The following NEGR1 variants were observed in gnomAD, a reference collection of about 807,000 sequenced individuals.
NEGR1 encodes the protein neuronal growth regulator 1.
In NEGR1, 10 loss-of-function variants were observed where a neutral mutation model predicts 40.9. The observed-to-expected ratio is 0.24, with a 90% CI of 0.15 to 0.42. The LOEUF is 0.42. NEGR1 is among the 10% of genes least tolerant of loss of function. The pLI is 1.00. For missense variants in NEGR1, 352 were observed against 438.9 expected (o/e 0.80, Z 1.77); for synonymous variants, 185 against 166.8 (o/e 1.11, Z -0.84).
rs1438885541 is a variant in NEGR1 at position 71,401,864 on chromosome 1, C to T, written c.*5582G>A. 6.6e-6 allele frequency: 1 copy of T among 152,060 alleles called. No homozygotes were observed. The highest frequency in any genetic ancestry group is 1.5e-5 in the Non-Finnish European group (1 of 68,018). The allele number at this position is 152,060 out of a possible 1,614,324, so 9.4% of individuals were successfully genotyped here. On this transcript the variant is annotated 3_prime_UTR_variant, in exon 7 of 7. Coordinates refer to ENST00000357731, the MANE Select transcript of NEGR1 (RefSeq NM_173808.3). Reference sequence around the variant, plus strand: ...CTCATACAACCCAAGGCTGTGTGTCCAAAGGCAACTGTACTGTGAGTTTCA... The same window carrying T: ...CTCATACAACCCAAGGCTGTGTGTCTAAAGGCAACTGTACTGTGAGTTTCA...
chr1:71,744,606 T>C (rs1442230539), intron 3 of NEGR1, among the ~76,000 whole-genome samples: 2 of 152,052 alleles, frequency 1.3e-5, no homozygotes, highest in Admixed American at 6.6e-5. Context: ...CATTTTCTGA[T>C]AGGCCCAGTA....
chr1:72,048,018 C>T (rs1049761057), intron 1 of NEGR1, among the ~76,000 whole-genome samples: 1 of 151,550 alleles, frequency 6.6e-6, no homozygotes, highest in African/African-American at 2.4e-5. Context: ...CCAAAATGGA[C>T]CAACTACTCT....
At chr1:72,113,540 G>A (rs1649465824) in intron 1 of NEGR1, among the ~76,000 whole-genome samples, 1 of 151,748 alleles carries the variant, frequency 6.6e-6, no homozygotes, top group Non-Finnish European at 1.5e-5. Flanking sequence ...ATGTGTGTGT[G>A]TGTGTTTAGA....
At chr1:71,654,429 A>G (rs1217052632) in intron 4 of NEGR1, among the ~76,000 whole-genome samples, 1 of 152,170 alleles carries the variant, frequency 6.6e-6, no homozygotes, top group Non-Finnish European at 1.5e-5. Flanking sequence ...TAGGGGTTGG[A>G]AGTAGAGGGA....
intron 6 of NEGR1, among the ~76,000 whole-genome samples, chr1:71,501,852 G>A (rs1220173926): frequency 6.6e-6 from 1 of 152,094 alleles, no homozygotes; most frequent in East Asian, 1.9e-4. Context: ...AAAATTATTT[G>A]TTGAAATAAA....
chr1:72,136,051 G>A (rs1241512047), intron 1 of NEGR1, among the ~76,000 whole-genome samples: 1 of 151,988 alleles, frequency 6.6e-6, no homozygotes, highest in Admixed American at 6.6e-5. Context: ...GCACAAAAAT[G>A]TTATAGGATT....
chr1:71,883,779 A>G (rs1218825978), intron 2 of NEGR1, among the ~76,000 whole-genome samples: 3 of 134,886 alleles, frequency 2.2e-5, no homozygotes, highest in African/African-American at 8.5e-5. Context: ...CCTGTATCCA[A>G]GTGTTCTCAT....
chr1:71,784,428 A>T (rs1389527946), intron 2 of NEGR1, among the ~76,000 whole-genome samples: 1 of 152,096 alleles, frequency 6.6e-6, no homozygotes. Context: ...ACAAGAAATG[A>T]TGACTTATTA....
chr1:71,941,920 G>A (rs774312605), intron 1 of NEGR1, among the ~76,000 whole-genome samples: 12 of 151,860 alleles, frequency 7.9e-5, no homozygotes, highest in Admixed American at 3.9e-4. Context: ...ACTAACAGAT[G>A]ACTTGCTTAT....
At chr1:71,724,845 C>G (rs982192792) in intron 3 of NEGR1, among the ~76,000 whole-genome samples, 11 of 151,984 alleles carry the variant, frequency 7.2e-5, no homozygotes, top group African/African-American at 2.4e-4. Context: ...CTTTCTGGTA[C>G]TTTTTCTTGT....
intron 2 of NEGR1, among the ~76,000 whole-genome samples, chr1:71,929,204 T>G (rs1176578319): frequency 6.6e-6 from 1 of 152,136 alleles, no homozygotes; most frequent in East Asian, 1.9e-4. Flanking sequence ...GGACACCTAC[T>G]CCTAGTTTTT....
At chr1:72,239,290 C>T (rs1654658906) in intron 1 of NEGR1, among the ~76,000 whole-genome samples, 2 of 151,746 alleles carry the variant, frequency 1.3e-5, no homozygotes, top group Admixed American at 6.6e-5. Flanking sequence ...TAAAGGCAAT[C>T]AACTCTCTGC....
intron 2 of NEGR1, among the ~76,000 whole-genome samples, chr1:71,898,921 T>G (rs1193852743): frequency 7.5e-6 from 1 of 134,200 alleles, no homozygotes; most frequent in Non-Finnish European, 1.6e-5. Context: ...TGCAAATATA[T>G]ATTTGCAAAT....
chr1:71,713,670 C>G (rs893429466), intron 3 of NEGR1, among the ~76,000 whole-genome samples: 1 of 152,092 alleles, frequency 6.6e-6, no homozygotes, highest in Admixed American at 6.5e-5. Context: ...CATTTGCTAA[C>G]AGGCAAAAAG....
At chr1:71,778,679 T>C (rs1656597737) in intron 2 of NEGR1, among the ~76,000 whole-genome samples, 1 of 152,174 alleles carries the variant, frequency 6.6e-6, no homozygotes. Context: ...TACTTAATTA[T>C]TTAAAATATA....
At chr1:71,536,386 T>A (rs1647514899) in intron 6 of NEGR1, among the ~76,000 whole-genome samples, 1 of 151,616 alleles carries the variant, frequency 6.6e-6, no homozygotes, top group South Asian at 2.1e-4. Context: ...AAGAAGTGGT[T>A]GTTGAAAAGA....
intron 6 of NEGR1, among the ~76,000 whole-genome samples, chr1:71,437,673 C>A (rs537028810): frequency 2.0e-5 from 3 of 151,922 alleles, no homozygotes; most frequent in Non-Finnish European, 4.4e-5. Context: ...AATGTGAGTG[C>A]GGAAGAGGTC....
intron 3 of NEGR1, among the ~76,000 whole-genome samples, chr1:71,762,501 TAGC>T (rs967181611): frequency 1.8e-4 from 28 of 152,238 alleles, no homozygotes; most frequent in African/African-American, 6.7e-4. Context: ...TGATTGTTCA[TAGC>T]AGCTTTATTT....
intron 2 of NEGR1, among the ~76,000 whole-genome samples, chr1:71,908,020 G>C (rs1233809324): frequency 1.3e-5 from 2 of 151,964 alleles, no homozygotes; most frequent in Non-Finnish European, 2.9e-5. Context: ...AGAAAGGAGG[G>C]GAGCAAGGTT....
Sources: gnomAD v4.1 joint callset for allele counts (sites outside exome capture counted in the v4.1 genomes callset) on GRCh38, gnomAD v4.1.1 for gene constraint, MANE v1.5 for transcripts, NCBI Gene and HGNC (gene_info 2026-07-23, HGNC 2026-07-21) for gene names.